Variants in SDSL observed in about 807,000 individuals in gnomAD.
SDSL encodes the protein serine dehydratase-like.
In SDSL, 26 loss-of-function variants were observed where a neutral mutation model predicts 27.6. The observed-to-expected ratio is 0.94, with a 90% CI of 0.69 to 1.31. The LOEUF (loss-of-function observed/expected upper bound fraction) is 1.31, where lower values mean the gene tolerates loss of function less well. SDSL is among the 50% of genes most tolerant of loss of function. The pLI is 0.00. For missense variants in SDSL, 431 were observed against 423.5 expected (o/e 1.02, Z -0.16); for synonymous variants, 196 against 180.6 (o/e 1.09, Z -0.69).
chr12:113,435,965 A>G (rs1957986165), intron 6 of SDSL, among the ~76,000 whole-genome samples: 1 of 152,160 alleles, frequency 6.6e-6, no homozygotes. Context: ...CTAAAAAAAT[A>G]CAAAAATTAC....
At chr12:113,424,987 C>T (rs1472088715) in intron 1 of SDSL, among the ~76,000 whole-genome samples, 1 of 152,196 alleles carries the variant, frequency 6.6e-6, no homozygotes, top group Non-Finnish European at 1.5e-5. Context: ...CCACCCGCCT[C>T]AGCCTCCCAA....
Position 113,435,338 on chromosome 12 carries a change from C to A in SDSL, c.453C>A (p.His151Gln). 3 of 1,527,736 alleles carry A rather than the reference C, an allele frequency of 2.0e-6. No homozygotes were observed. The highest frequency in any genetic ancestry group is 2.6e-6 in the Non-Finnish European group (3 of 1,136,070). 94.6% of individuals were successfully genotyped at this position (1,527,736 alleles called of 1,614,324 possible). Residue 151 changes from histidine to glutamine, a missense_variant, in exon 6 of 8, where the codon CAC becomes CAA. Transcript: ENST00000403593. The part of the protein sequence containing the change: ...PFDHPLIWKG[H>Q]ASLVQELKAV... ...CACCCCCCCTCCCCAGGAAAGGCCA[C>A]GCCAGCCTGGTGCAGGAGCTGAAAG...
chr12:113,429,651 G>A lies in SDSL; in HGVS notation c.354+352G>A, dbSNP rs1199601788. 4.6e-5 allele frequency among the ~76,000 whole-genome samples: 7 copies of A among 152,098 alleles called. 1 individual carries two copies. In the South Asian group the frequency reaches 1.2e-3, roughly 27 times the overall value. ...TAAGACAAGAAGTATCAAGATGATG[G>A]CAGCATTAGTTCTCATTCTGAGACC... On this transcript the variant is annotated intron_variant, in intron 4 of 7. Transcript: ENST00000403593.
chr12:113,429,649 T>A lies in SDSL; in HGVS notation c.354+350T>A, dbSNP rs571484362. On this transcript the variant is annotated intron_variant, in intron 4 of 7. Coordinates refer to ENST00000403593, the MANE Select transcript of SDSL (RefSeq NM_001304993.2). Reference sequence around the variant, plus strand: ...GATAAGACAAGAAGTATCAAGATGATGGCAGCATTAGTTCTCATTCTGAGA... The same window carrying A: ...GATAAGACAAGAAGTATCAAGATGAAGGCAGCATTAGTTCTCATTCTGAGA... Among the ~76,000 whole-genome samples the A allele has an allele frequency of 3.9e-5, 6 of 152,298 alleles. No individual in the cohort carries two copies. In the East Asian group the frequency reaches 1.2e-3, roughly 29 times the overall value.
chr12:113,432,249 TTTCTTTCTTTCTTTC>T lies in SDSL; in HGVS notation c.355-1882_355-1868del, dbSNP rs1367807362. Among the ~76,000 whole-genome samples the T allele has an allele frequency of 1.7e-3, 244 of 141,650 alleles. 3 individuals carry two copies. The highest frequency in any genetic ancestry group is 4.6e-3 in the South Asian group (20 of 4,356). The allele number at this position is 141,650 out of a possible 152,430, so 92.9% of individuals were successfully genotyped here. On this transcript the variant is annotated intron_variant, in intron 4 of 7. Coordinates refer to ENST00000403593, the MANE Select transcript of SDSL (RefSeq NM_001304993.2). ...CTTTCTTTCTTTCTTTCTTTCTTTC[TTTCTTTCTTTCTTTC>T]TTTCTTTCTTTCTTTCTTTCTTTCT...
chr12:113,428,793 T>G, intron 3 of SDSL, among the ~76,000 whole-genome samples: 1 of 152,020 alleles, frequency 6.6e-6, no homozygotes, highest in Non-Finnish European at 1.5e-5. Context: ...CATATTAGCT[T>G]TATTTTTAGG....
chr12:113,434,262 G>A, intron 5 of SDSL, 40 bp downstream of exon 5: 1 of 1,486,570 alleles, frequency 6.7e-7, no homozygotes. Context: ...CCAGAGCTGG[G>A]AGACCTTCAC....
rs1366930057 is a variant in SDSL, at chr12:113,434,151, T to C, written c.372T>C (p.Asn124=). 4 of 1,613,554 alleles carry C rather than the reference T, an allele frequency of 2.5e-6. No homozygotes were observed. In the Admixed American group the frequency reaches 6.7e-5, roughly 27 times the overall value. ...CTCTGTAGGTCTGGGACGAGGCCAATCTGAGGGCGCAAGAGTTGGCCAAGA... is the reference window on the plus strand; with the variant it reads ...CTCTGTAGGTCTGGGACGAGGCCAACCTGAGGGCGCAAGAGTTGGCCAAGA... ...QLTGKVWDEA[N]LRAQELAKRD... is the part of the protein sequence containing the mutation. Residue 124 remains asparagine (N), a synonymous_variant, in exon 5 of 8, where the codon AAT becomes AAC. Transcript: ENST00000403593.
intron 1 of SDSL, chr12:113,426,021 C>A: frequency 5.2e-6 from 2 of 387,090 alleles, no homozygotes; most frequent in South Asian, 1.9e-5. Flanking sequence ...CCACCACCAC[C>A]TCCACCACCA....
At chr12:113,428,182 G>A (rs1437048211) in intron 2 of SDSL, 26 bp downstream of exon 2, 1 of 1,586,328 alleles carries the variant, frequency 6.3e-7, no homozygotes, top group South Asian at 1.1e-5. Flanking sequence ...AAGGAGGGGA[G>A]AAGTGAGGTT....
chr12:113,431,964 C>T (rs1957927940), intron 4 of SDSL, among the ~76,000 whole-genome samples: 1 of 149,744 alleles, frequency 6.7e-6, no homozygotes, highest in Non-Finnish European at 1.5e-5. Flanking sequence ...ACCATGTTAG[C>T]CAGGATGGTC....
chr12:113,428,219 G>T, intron 2 of SDSL, 63 bp downstream of exon 2: 9 of 1,501,164 alleles, frequency 6.0e-6, no homozygotes, highest in Non-Finnish European at 8.2e-6. Flanking sequence ...AGAGTGAGGG[G>T]TGTGGGCTGG....
chr12:113,428,849 A>G (rs1957883744), intron 3 of SDSL, among the ~76,000 whole-genome samples: 1 of 151,520 alleles, frequency 6.6e-6, no homozygotes, highest in African/African-American at 2.4e-5. Flanking sequence ...CCAGCCTTGC[A>G]TCCTACCAGC....
rs61753864 is a variant in SDSL at position 113,429,176 on chromosome 12, C to T, written c.231C>T (p.Ile77=). ...TCTGCACAGGGGGTAATGCGGGCAT[C>T]GCTGCTGCCTATGCTGCTAGGAAGC... ...LVCSSGGNAG[I]AAAYAARKLG... is the part of the protein sequence containing the mutation. The change falls in exon 4 of 8, where the codon ATC becomes ATT. Residue 77 remains isoleucine, a synonymous_variant. Transcript: ENST00000403593. The T allele has an allele frequency of 4.3e-3, 6,907 of 1,613,356 alleles. 155 individuals are homozygous for T. The African/African-American group carries it at 0.053, about 12-fold the overall frequency.
intron 4 of SDSL, among the ~76,000 whole-genome samples, chr12:113,433,372 T>C (rs895839773): frequency 6.6e-6 from 1 of 152,124 alleles, no homozygotes; most frequent in Non-Finnish European, 1.5e-5. Context: ...TACCATTTAG[T>C]TTCTGTATCT....
intron 1 of SDSL, among the ~76,000 whole-genome samples, chr12:113,424,026 A>G (rs1403888705): frequency 6.6e-6 from 1 of 151,902 alleles, no homozygotes; most frequent in East Asian, 1.9e-4. Context: ...ATTTTTTTTG[A>G]GACAGAGTTT....
chr12:113,435,367 T>A lies in SDSL; in HGVS notation c.482T>A (p.Val161Glu). 5 of 1,588,734 alleles carry A rather than the reference T, an allele frequency of 3.1e-6. No individual in the cohort carries two copies. The African/African-American group carries it at 5.4e-5, about 17-fold the overall frequency. ...AGCCTGGTGCAGGAGCTGAAAGCAG[T>A]GCTGAGGACCCCACCAGGTGCCCTG... ...HASLVQELKA[V>E]LRTPPGALVL... The change falls in exon 6 of 8, where the codon GTG (valine) becomes GAG (glutamate). Residue 161 changes from valine to glutamate, a missense_variant. Coordinates refer to ENST00000403593, the MANE Select transcript of SDSL (RefSeq NM_001304993.2).
intron 5 of SDSL, among the ~76,000 whole-genome samples, chr12:113,434,794 G>T (rs1262943328): frequency 1.3e-5 from 2 of 152,196 alleles, no homozygotes; most frequent in African/African-American, 4.8e-5. Flanking sequence ...GAGATGGGAA[G>T]GGATGAGCAA....
intron 3 of SDSL, among the ~76,000 whole-genome samples, chr12:113,428,819 C>A (rs1033052336): frequency 4.6e-5 from 7 of 151,988 alleles, no homozygotes; most frequent in African/African-American, 1.7e-4. Flanking sequence ...CTCATGGTAG[C>A]AAGATGGCCA....
Sources: allele counts gnomAD v4.1 joint callset (sites outside exome capture counted in the v4.1 genomes callset), GRCh38; gene constraint gnomAD v4.1.1; transcripts MANE v1.5; gene names NCBI Gene and HGNC (gene_info 2026-07-23, HGNC 2026-07-21).